The following ZNF562 variants were observed in gnomAD, a reference collection of about 807,000 sequenced individuals.
ZNF562 encodes zinc finger protein 562.
In ZNF562, 13 loss-of-function variants were observed where a neutral mutation model predicts 17.5. The ratio of observed to expected loss-of-function variants is 0.74; its 90% CI spans 0.48 to 1.18. The LOEUF (loss-of-function observed/expected upper bound fraction) is 1.18, where lower values mean the gene tolerates loss of function less well. Ranked by LOEUF, ZNF562 falls within the 50% of genes most tolerant of loss-of-function variation. The pLI is 0.00. For missense variants in ZNF562, 481 were observed against 498.5 expected, an observed-to-expected ratio of 0.96 and a Z score of 0.33; for synonymous variants, 163 against 165.4, an observed-to-expected ratio of 0.99 and a Z score of 0.11.
At chr19:9,654,114 C>T (rs1317228273) in intron 5 of ZNF562, among the ~76,000 whole-genome samples, 1 of 151,940 alleles carries the variant, frequency 6.6e-6, no homozygotes, top group East Asian at 1.9e-4. Context: ...CCTCAGCCTC[C>T]CGAGTAGCTG....
In ZNF562 at chr19:9,647,571, G is replaced by C. The variant is rs1415784504; in HGVS notation, c.*5378C>G. ...ACTTTTTAAAATATTTTGCAGTATT[G>C]GCCGGGCACAGTGGCTTGTGCCTGT... On this transcript the variant is annotated 3_prime_UTR_variant, in exon 6 of 6. Transcript: ENST00000453372. 1 of 152,076 alleles carries C rather than the reference G, an allele frequency of 6.6e-6. No individual in the cohort carries two copies. Among genetic ancestry groups the C allele is most frequent in the Non-Finnish European group, 1.5e-5 (1 of 68,034 alleles). 9.4% of individuals were successfully genotyped at this position (152,076 alleles called of 1,614,324 possible).
At chr19:9,654,887 A>T (rs1235796448) in intron 5 of ZNF562, among the ~76,000 whole-genome samples, 1 of 152,000 alleles carries the variant, frequency 6.6e-6, no homozygotes, top group Admixed American at 6.6e-5. Context: ...GATAACCATA[A>T]TTTTTACAAT....
intron 1 of ZNF562, among the ~76,000 whole-genome samples, chr19:9,669,092 CA>C (rs2044052918): frequency 6.6e-6 from 1 of 152,070 alleles, no homozygotes; most frequent in Non-Finnish European, 1.5e-5. Flanking sequence ...GCACAGGCAA[CA>C]AGAGCAAAAA....
chr19:9,656,635 G>C lies in ZNF562; in HGVS notation c.260C>G (p.Thr87Ser). 6.2e-7 allele frequency: 1 copy of C among 1,613,888 alleles called. No individual in the cohort carries two copies. ...LASVDFFFCL[T>S]SEWEIQPRTK... ...TCTAGGTTGTATTTCCCATTCTGAA[G>C]TTAAGCAGAAAAAGAAATCTAAGGG... The change falls in exon 5 of 6, where the codon ACT (threonine) becomes AGT (serine). Residue 87 changes from threonine to serine, a missense_variant. Physicochemically the swap from Thr to Ser is moderately conservative, Grantham distance 58. Transcript: ENST00000453372.
chr19:9,674,014 C>T lies in ZNF562; in HGVS notation c.-131+1001G>A, dbSNP rs1270291354. On this transcript the variant is annotated intron_variant, in intron 1 of 5. Coordinates refer to ENST00000453372, the MANE Select transcript of ZNF562 (RefSeq NM_001130031.2). The stretch of plus-strand genomic sequence containing the variant: ...CAATTTACTTCTACAGAAGGGTGTG[C>T]CCTCACAGATGGAGCAATGGTGAGC... Among the ~76,000 whole-genome samples the T allele has an allele frequency of 5.9e-5, 9 of 152,252 alleles. No individual in the cohort carries two copies. The East Asian group carries it at 1.7e-3, about 29-fold the overall frequency.
At chr19:9,663,601 C>T (rs544155524) in intron 1 of ZNF562, among the ~76,000 whole-genome samples, 54 of 151,862 alleles carry the variant, frequency 3.6e-4, no homozygotes, top group Middle Eastern at 3.4e-3. Context: ...TTTTTTGAGA[C>T]GGAGTCTTGC....
rs1446152265 is a variant in ZNF562, at chr19:9,659,731, C to T, written c.26-264G>A. 2.0e-5 allele frequency among the ~76,000 whole-genome samples: 3 copies of T among 151,604 alleles called. No homozygotes were observed. In the East Asian group the frequency reaches 5.8e-4, roughly 29 times the overall value. On this transcript the variant is annotated intron_variant, in intron 2 of 5. Transcript: ENST00000453372. ...ACCCTGAAAAATGTGACTATCTGCC[C>T]ATAGTAGTAACACTCATGAAGCTTA...
rs568872685 is a variant in ZNF562, at chr19:9,661,395, T to G, written c.-130-521A>C. On this transcript the variant is annotated intron_variant, in intron 1 of 5. Coordinates refer to ENST00000453372, the MANE Select transcript of ZNF562 (RefSeq NM_001130031.2). Reference sequence around the variant, plus strand: ...ATGCAGTGGCGTGATCTTGACTCACTGCAACCTCTGCCTCCCAGGTTCAAG... The same window carrying G: ...ATGCAGTGGCGTGATCTTGACTCACGGCAACCTCTGCCTCCCAGGTTCAAG... Among the ~76,000 whole-genome samples the G allele has an allele frequency of 1.4e-4, 22 of 152,276 alleles. No homozygotes were observed. In the East Asian group the frequency reaches 4.3e-3, roughly 29 times the overall value.
At chr19:9,664,662 G>A (rs527400317) in intron 1 of ZNF562, among the ~76,000 whole-genome samples, 1 of 152,162 alleles carries the variant, frequency 6.6e-6, no homozygotes, top group African/African-American at 2.4e-5. Context: ...TCTCAGGGCT[G>A]GATGCAGTAG....
chr19:9,656,713 A>G (rs180998643), intron 4 of ZNF562, 60 bp from the exon 5 acceptor site: 17 of 1,542,026 alleles, frequency 1.1e-5, no homozygotes, highest in African/African-American at 2.7e-5. Context: ...TTGTTTTCAA[A>G]TTAAACACAG....
In ZNF562 at chr19:9,643,889, T is replaced by G. The variant is rs1235563998; in HGVS notation, c.*9060A>C. 6.6e-6 allele frequency: 1 copy of G among 151,894 alleles called. No homozygotes were observed. Among genetic ancestry groups the G allele is most frequent in the Non-Finnish European group, 1.5e-5 (1 of 67,966 alleles). The allele number at this position is 151,894 out of a possible 1,614,324, so 9.4% of individuals were successfully genotyped here. A position where few individuals can be genotyped will look rare whatever the true frequency, so the allele number is the denominator to read the frequency against. Reference sequence around the variant, plus strand: ...CAGGCTGGAGTGCAGTGGTGTGATCTCGGTTCACTGTAACCTCCTGCCTCA... The same window carrying G: ...CAGGCTGGAGTGCAGTGGTGTGATCGCGGTTCACTGTAACCTCCTGCCTCA... On this transcript the variant is annotated 3_prime_UTR_variant, in exon 6 of 6. Transcript: ENST00000453372.
In ZNF562 at chr19:9,647,754, G is replaced by A. The variant is rs1343353778; in HGVS notation, c.*5195C>T. On this transcript the variant is annotated 3_prime_UTR_variant, in exon 6 of 6. Transcript: ENST00000453372. ...TAATCTCAGCTACTCGGGAGGCTGAGGCAGGAGAACCACTGGAACCCAGGA... is the reference window on the plus strand; with the variant it reads ...TAATCTCAGCTACTCGGGAGGCTGAAGCAGGAGAACCACTGGAACCCAGGA... 1.3e-5 allele frequency: 2 copies of A among 152,068 alleles called. No individual in the cohort carries two copies. Among genetic ancestry groups the A allele is most frequent in the Non-Finnish European group, 2.9e-5 (2 of 68,038 alleles). 9.4% of individuals were successfully genotyped at this position (152,068 alleles called of 1,614,324 possible).
At chr19:9,660,550 G>C (rs1160334353) in intron 2 of ZNF562, among the ~76,000 whole-genome samples, 170 bp downstream of exon 2, 1 of 151,372 alleles carries the variant, frequency 6.6e-6, no homozygotes, top group Non-Finnish European at 1.5e-5. Context: ...AGGTTGCGGT[G>C]AGCTAAGATC....
chr19:9,644,652 C>T lies in ZNF562; in HGVS notation c.*8297G>A, dbSNP rs2144938696. 6.6e-6 allele frequency: 1 copy of T among 152,288 alleles called. No homozygotes were observed. The highest frequency in any genetic ancestry group is 1.9e-4 in the East Asian group (1 of 5,190). The allele number at this position is 152,288 out of a possible 1,614,324, so 9.4% of individuals were successfully genotyped here. ...GAGAGCCTGTCCAGGGGAACAGCTG[C>T]TTATAAAACTGACAGACCTCATGAG... On this transcript the variant is annotated 3_prime_UTR_variant, in exon 6 of 6. Coordinates refer to ENST00000453372, the MANE Select transcript of ZNF562 (RefSeq NM_001130031.2).
rs1248313415 is a variant in ZNF562, at chr19:9,652,225, A to C, written c.*724T>G. ...AAATGGACAGAGAAGACAGAACAGA[A>C]CAGTCAAGGTTGTCACACTTCTTAT... On this transcript the variant is annotated 3_prime_UTR_variant, in exon 6 of 6. Coordinates refer to ENST00000453372, the MANE Select transcript of ZNF562 (RefSeq NM_001130031.2). 2 of 152,226 alleles carry C rather than the reference A, an allele frequency of 1.3e-5. No homozygotes were observed. The highest frequency in any genetic ancestry group is 4.8e-5 in the African/African-American group (2 of 41,450). The allele number at this position is 152,226 out of a possible 1,614,324, so 9.4% of individuals were successfully genotyped here. A position where few individuals can be genotyped will look rare whatever the true frequency, so the allele number is the denominator to read the frequency against.
chr19:9,669,754 A>ACG lies in ZNF562; in HGVS notation c.-131+5260_-131+5261insCG, dbSNP rs1398440323. 1.0e-2 allele frequency among the ~76,000 whole-genome samples: 1,490 copies of ACG among 149,618 alleles called. 51 individuals are homozygous for ACG. The East Asian group carries it at 0.11, about 11-fold the overall frequency. On this transcript the variant is annotated intron_variant, in intron 1 of 5. Transcript: ENST00000453372. ...CGCGCGCACACACACACACACACAC[A>ACG]CACACACACACACACACACACAACC...
chr19:9,642,124 G>A lies in ZNF562; in HGVS notation c.*10825C>T, dbSNP rs1218638430. On this transcript the variant is annotated 3_prime_UTR_variant, in exon 6 of 6. Coordinates refer to ENST00000453372, the MANE Select transcript of ZNF562 (RefSeq NM_001130031.2). ...GCCAATGGCAGGGTACATTCACTAG[G>A]TGGGGGAGGATGTATCTTATAAAGT... 1 of 151,776 alleles carries A rather than the reference G, an allele frequency of 6.6e-6. No individual in the cohort carries two copies. The highest frequency in any genetic ancestry group is 2.4e-5 in the African/African-American group (1 of 41,284). 9.4% of individuals were successfully genotyped at this position (151,776 alleles called of 1,614,324 possible).
chr19:9,652,880 G>T lies in ZNF562; in HGVS notation c.*69C>A, dbSNP rs568642458. The T allele has an allele frequency of 7.9e-6, 11 of 1,388,500 alleles. No individual in the cohort carries two copies. The South Asian group carries it at 1.5e-4, about 19-fold the overall frequency. 86.0% of individuals were successfully genotyped at this position (1,388,500 alleles called of 1,614,324 possible). ...TTTCCCAAATTCTTTACATACAAAA[G>T]GTTTCTCTCTGGTAGGAGTTCACAG... is the stretch of plus-strand genomic sequence containing the variant. On this transcript the variant is annotated 3_prime_UTR_variant, in exon 6 of 6. Coordinates refer to ENST00000453372, the MANE Select transcript of ZNF562 (RefSeq NM_001130031.2).
In ZNF562 at chr19:9,666,248, G is replaced by A. The variant is rs371713921; in HGVS notation, c.-130-5374C>T. ...TGAAGCAGGAGAATCGCTTGAATCC[G>A]GGAAGCAGAGGTTGTGGTGAGCCGA... On this transcript the variant is annotated intron_variant, in intron 1 of 5. Transcript: ENST00000453372. Among the ~76,000 whole-genome samples the A allele has an allele frequency of 1.0e-3, 153 of 151,332 alleles. 1 individual carries two copies. Among genetic ancestry groups the A allele is most frequent in the Middle Eastern group, 3.4e-3 (1 of 292 alleles).
Sources: gnomAD v4.1 joint callset for allele counts (sites outside exome capture counted in the v4.1 genomes callset) on GRCh38, gnomAD v4.1.1 for gene constraint, MANE v1.5 for transcripts, NCBI Gene and HGNC (gene_info 2026-07-23, HGNC 2026-07-21) for gene names.